The following PDE1C variants were observed in gnomAD, a reference collection of about 807,000 sequenced individuals.
PDE1C encodes the protein dual specificity calcium/calmodulin-dependent 3',5'-cyclic nucleotide phosphodiesterase 1C.
A neutral mutation model predicts 93.1 loss-of-function variants in PDE1C; 62 were observed. That is an observed-to-expected ratio of 0.67 (90% CI 0.54 to 0.82). PDE1C has a LOEUF of 0.82. Among genes scored for constraint, PDE1C ranks in the 40% least tolerant of loss-of-function variants. The pLI is 0.00. For synonymous variants in PDE1C, 325 were observed against 310.1 expected (o/e 1.05, Z -0.50); for missense variants, 742 against 884.6 (o/e 0.84, Z 2.04).
At chr7:31,651,356 C>T in the PDE1C span, 37 of 1,446,494 alleles carry the variant, frequency 2.6e-5, no homozygotes, top group South Asian at 4.8e-4. Context: ...GAGGAGCACC[C>T]TGGAGCAGAG....
rs548842698 is a variant in PDE1C, at chr7:32,418,111, C to T, written c.310+9711G>A. ...TCAAGTGATCCTCCAGCCTCAGCCTCCCAAAGTGCTGGGACTACAGATGTG... is the reference window on the plus strand; with the variant it reads ...TCAAGTGATCCTCCAGCCTCAGCCTTCCAAAGTGCTGGGACTACAGATGTG... On this transcript the variant is annotated intron_variant, in intron 1 of 1. Coordinates refer to the PDE1C transcript ENST00000672256. 1.4e-4 allele frequency among the ~76,000 whole-genome samples: 22 copies of T among 152,342 alleles called. No individual in the cohort carries two copies. In the South Asian group the frequency reaches 4.6e-3, roughly 32 times the overall value.
intron 2 of PDE1C, among the ~76,000 whole-genome samples, chr7:32,191,136 A>G (rs970617645): frequency 6.6e-6 from 1 of 152,212 alleles, no homozygotes; most frequent in Admixed American, 6.5e-5. Flanking sequence ...GTCAGTGAAG[A>G]TGTTTTCAAA....
rs143194508 is a variant in PDE1C, at chr7:31,963,706, T to C, written c.129-82846A>G. ...AGGAACAACTAGAAGTGAATTTGAATTGGTTTCCTTGCAAGAGACAGAAAT... is the reference window on the plus strand; with the variant it reads ...AGGAACAACTAGAAGTGAATTTGAACTGGTTTCCTTGCAAGAGACAGAAAT... On this transcript the variant is annotated intron_variant, in intron 2 of 17. Coordinates refer to ENST00000396191, the MANE Select transcript of PDE1C (RefSeq NM_001191057.4). 3.8e-3 allele frequency among the ~76,000 whole-genome samples: 574 copies of C among 152,272 alleles called. 15 individuals are homozygous for C. Among genetic ancestry groups the C allele is most frequent in the East Asian group, 0.013 (67 of 5,178 alleles).
At chr7:32,389,846 A>C (rs918512116) in intron 1 of PDE1C, among the ~76,000 whole-genome samples, 2 of 152,216 alleles carry the variant, frequency 1.3e-5, no homozygotes, top group Non-Finnish European at 2.9e-5. Context: ...AAGCCTCAAA[A>C]TTTTTGAAAA....
intron 6 of PDE1C, among the ~76,000 whole-genome samples, chr7:31,868,324 A>G (rs1297272728): frequency 6.6e-6 from 1 of 152,202 alleles, no homozygotes; most frequent in African/African-American, 2.4e-5. Flanking sequence ...CAGGATATTA[A>G]TGATAAATTT....
intron 3 of PDE1C, among the ~76,000 whole-genome samples, chr7:32,104,511 A>T (rs1302466664): frequency 6.6e-6 from 1 of 152,170 alleles, no homozygotes; most frequent in African/African-American, 2.4e-5. Flanking sequence ...GCAATAGAGG[A>T]TGTGCTCTCC....
intron 3 of PDE1C, among the ~76,000 whole-genome samples, chr7:32,142,883 A>ATG (rs1800618837): frequency 1.4e-5 from 1 of 69,148 alleles, no homozygotes. Flanking sequence ...CCAACACAAA[A>ATG]TATATATATA....
chr7:32,188,611 C>A (rs1466001136), intron 2 of PDE1C, among the ~76,000 whole-genome samples: 1 of 152,104 alleles, frequency 6.6e-6, no homozygotes, highest in Non-Finnish European at 1.5e-5. Flanking sequence ...CTGCTGCTAT[C>A]TTACCAGGGC....
At chr7:31,634,278 A>C in the PDE1C span, among the ~76,000 whole-genome samples, 1 of 152,202 alleles carries the variant, frequency 6.6e-6, no homozygotes, top group African/African-American at 2.4e-5. Flanking sequence ...TTTCTAATTA[A>C]TATTAGTATT....
chr7:32,293,057 C>T (rs1812433155), intron 1 of PDE1C, among the ~76,000 whole-genome samples: 1 of 152,166 alleles, frequency 6.6e-6, no homozygotes, highest in African/African-American at 2.4e-5. Context: ...CTGATGCTCA[C>T]CCACTCCCAG....
intron 3 of PDE1C, among the ~76,000 whole-genome samples, chr7:32,152,427 C>T (rs977979930): frequency 3.3e-5 from 5 of 152,190 alleles, no homozygotes; most frequent in African/African-American, 1.2e-4. Context: ...CTGGCTTTAA[C>T]AAAAGGGCAG....
chr7:31,774,668 T>C (rs1795713514), intron 17 of PDE1C, among the ~76,000 whole-genome samples: 1 of 152,228 alleles, frequency 6.6e-6, no homozygotes, highest in African/African-American at 2.4e-5. Flanking sequence ...CATAGAAATG[T>C]TAGTCAATTA....
chr7:31,959,535 T>C (rs1301909432), intron 2 of PDE1C, among the ~76,000 whole-genome samples: 1 of 152,158 alleles, frequency 6.6e-6, no homozygotes, highest in Non-Finnish European at 1.5e-5. Flanking sequence ...AATTGGATGC[T>C]AACAATAATT....
intron 2 of PDE1C, among the ~76,000 whole-genome samples, chr7:32,029,251 TAGTAC>T (rs55741435): frequency 0.84 from 127,793 of 151,536 alleles, 54,034 homozygotes; most frequent in Middle Eastern, 0.89. Flanking sequence ...GAATGTAAAT[TAGTAC>T]AGTACAGCCA....
chr7:32,347,443 C>T (rs2128081826), intron 1 of PDE1C, among the ~76,000 whole-genome samples: 1 of 152,014 alleles, frequency 6.6e-6, no homozygotes, highest in South Asian at 2.1e-4. Context: ...GGATCCTGCC[C>T]CCTGGTGGTC....
chr7:32,020,557 C>A (rs1215303788), intron 2 of PDE1C, among the ~76,000 whole-genome samples: 1 of 151,964 alleles, frequency 6.6e-6, no homozygotes, highest in East Asian at 1.9e-4. Context: ...ACATAAGAAA[C>A]ACAGCTACTT....
the PDE1C span, among the ~76,000 whole-genome samples, chr7:31,738,160 C>T: frequency 6.5e-4 from 99 of 152,050 alleles, no homozygotes; most frequent in Non-Finnish European, 1.1e-3. Flanking sequence ...CAGGAAGAGT[C>T]GAGGGTGAGG....
At chr7:32,388,684 A>AT (rs1318897738) in intron 1 of PDE1C, among the ~76,000 whole-genome samples, 1 of 149,784 alleles carries the variant, frequency 6.7e-6, no homozygotes, top group African/African-American at 2.5e-5. Context: ...TTTCTAAAAA[A>AT]AAAAAAAAAA....
At chr7:31,652,454 G>C in the PDE1C span, 1 of 1,507,208 alleles carries the variant, frequency 6.6e-7, no homozygotes, top group Non-Finnish European at 8.9e-7. Context: ...TCACAAGTTT[G>C]AGTAAGCTGT....
Sources: allele counts gnomAD v4.1 joint callset (sites outside exome capture counted in the v4.1 genomes callset), GRCh38; gene constraint gnomAD v4.1.1; transcripts MANE v1.5; gene names NCBI Gene and HGNC (gene_info 2026-07-23, HGNC 2026-07-21).